Variants in MRTFA observed in about 807,000 individuals in gnomAD.
MRTFA encodes myocardin related transcription factor A.
A neutral mutation model predicts 83.5 loss-of-function variants in MRTFA; 20 were observed. The ratio of observed to expected loss-of-function variants is 0.24; its 90% CI spans 0.17 to 0.35. The LOEUF (loss-of-function observed/expected upper bound fraction) is 0.35. Among genes scored for constraint, MRTFA ranks in the 10% least tolerant of loss-of-function variants. MRTFA has a pLI of 1.00. For synonymous variants in MRTFA, 659 were observed against 541.2 expected, an observed-to-expected ratio of 1.22 and a Z score of -3.02; for missense variants, 1,200 against 1,224.7, an observed-to-expected ratio of 0.98 and a Z score of 0.30.
chr22:40,524,436 G>A (rs974721475), intron 3 of MRTFA, among the ~76,000 whole-genome samples: 3 of 152,216 alleles, frequency 2.0e-5, no homozygotes, highest in African/African-American at 4.8e-5. Flanking sequence ...GAAAACTTCT[G>A]AGAGGTTCAG....
chr22:40,540,701 C>T (rs956661422), intron 3 of MRTFA, among the ~76,000 whole-genome samples: 2 of 141,634 alleles, frequency 1.4e-5, no homozygotes, highest in South Asian at 2.3e-4. Flanking sequence ...TGCTTGAATG[C>T]GTGAGGTTAA....
Position 40,515,605 on chromosome 22 carries a change from A to C in MRTFA, c.241+36501T>G, listed in dbSNP as rs2147249067. Among the ~76,000 whole-genome samples, 2 of 152,224 alleles carry C rather than the reference A, an allele frequency of 1.3e-5. 1 individual carries two copies. The highest frequency in any genetic ancestry group is 4.1e-4 in the South Asian group (2 of 4,826). On this transcript the variant is annotated intron_variant, in intron 3 of 14. Coordinates refer to ENST00000355630, the MANE Select transcript of MRTFA (RefSeq NM_020831.6). ...CTACCTGGGTGGCTGGGGCACGAGA[A>C]TCGTTTGAACTCAGGTGGCGGAGGA...
Position 40,416,929 on chromosome 22 carries a change from A to G in MRTFA, c.2578+57T>C. On this transcript the variant is annotated intron_variant, in intron 14 of 14. Transcript: ENST00000355630. This position sits in a 1 kb window ranked among gnomAD's most constrained non-coding sequence, Gnocchi z 4.2. ...AATAAAAACAAACCAACCCAGGGCTAGAGACACCTATGAACAGAGAAGGCC... is the reference window on the plus strand; with the variant it reads ...AATAAAAACAAACCAACCCAGGGCTGGAGACACCTATGAACAGAGAAGGCC... 1.3e-6 allele frequency: 2 copies of G among 1,500,386 alleles called. No homozygotes were observed. The highest frequency in any genetic ancestry group is 1.8e-6 in the Non-Finnish European group (2 of 1,100,426). 92.9% of individuals were successfully genotyped at this position (1,500,386 alleles called of 1,614,324 possible).
chr22:40,433,942 C>G (rs1049759571), intron 5 of MRTFA, among the ~76,000 whole-genome samples: 2 of 151,916 alleles, frequency 1.3e-5, no homozygotes, highest in Non-Finnish European at 2.9e-5. Flanking sequence ...TCATTTTGCT[C>G]AAAAAAAATC....
intron 3 of MRTFA, among the ~76,000 whole-genome samples, chr22:40,499,985 G>A (rs770239978): frequency 2.7e-4 from 35 of 128,434 alleles, no homozygotes; most frequent in Non-Finnish European, 4.8e-4. Context: ...GAAATGGTAC[G>A]ATCTCGGCTC....
chr22:40,424,529 A>G, intron 7 of MRTFA, 148 bp from the exon 8 acceptor site: 3 of 840,696 alleles, frequency 3.6e-6, no homozygotes, highest in East Asian at 5.5e-5. Context: ...CTAGCAGCCA[A>G]TCTGCTTTCT....
intron 3 of MRTFA, among the ~76,000 whole-genome samples, chr22:40,532,454 A>G (rs1469557002): frequency 2.0e-5 from 3 of 152,346 alleles, no homozygotes; most frequent in Admixed American, 2.0e-4. Context: ...AGATAAGCAC[A>G]CTATCTTGTT....
At chr22:40,575,181 AATGAGATGAAG>A (rs1316711429) in intron 2 of MRTFA, among the ~76,000 whole-genome samples, 234 of 152,340 alleles carry the variant, frequency 1.5e-3, no homozygotes, top group African/African-American at 5.4e-3. Flanking sequence ...ATACAGATTA[AATGAGATGAAG>A]ATCTAAAATT....
Position 40,579,218 on chromosome 22 carries a change from G to C in MRTFA, c.-22+15456C>G, listed in dbSNP as rs546040007. On this transcript the variant is annotated intron_variant, in intron 2 of 14. Transcript: ENST00000355630. The stretch of plus-strand genomic sequence containing the variant: ...TAAGGAATTTCCACGTCTTGTGAAG[G>C]CATGCATATCTTGTGCTAATTCTCT... 2.0e-5 allele frequency among the ~76,000 whole-genome samples: 3 copies of C among 152,262 alleles called. No homozygotes were observed. The South Asian group carries it at 6.2e-4, about 32-fold the overall frequency.
At chr22:40,577,209 CTGAG>C (rs1182068785) in intron 2 of MRTFA, among the ~76,000 whole-genome samples, 3 of 141,106 alleles carry the variant, frequency 2.1e-5, no homozygotes, top group Non-Finnish European at 3.0e-5. Context: ...GCACTCCTGC[CTGAG>C]TAACAGAGTA....
At chr22:40,632,628 G>A (rs1340018944) in intron 1 of MRTFA, among the ~76,000 whole-genome samples, 1 of 152,034 alleles carries the variant, frequency 6.6e-6, no homozygotes, top group Non-Finnish European at 1.5e-5. Context: ...TAGCGACGGG[G>A]TTTCCCCATG....
At chr22:40,574,189 C>T (rs1699900098) in intron 2 of MRTFA, among the ~76,000 whole-genome samples, 1 of 152,160 alleles carries the variant, frequency 6.6e-6, no homozygotes, top group Admixed American at 6.6e-5. Flanking sequence ...TCTTATCAGT[C>T]ATTGCTTTTG....
chr22:40,588,803 G>A (rs1018609404), intron 2 of MRTFA, among the ~76,000 whole-genome samples: 8 of 152,130 alleles, frequency 5.3e-5, no homozygotes, highest in African/African-American at 1.4e-4. Flanking sequence ...GAAACATGGC[G>A]AGACTCCATC....
intron 1 of MRTFA, among the ~76,000 whole-genome samples, chr22:40,628,470 C>T (rs1174733616): frequency 2.0e-5 from 3 of 152,088 alleles, no homozygotes; most frequent in Admixed American, 1.3e-4. Flanking sequence ...GGACAAAGAC[C>T]TGTAAATAGC....
rs115175354 is a variant in MRTFA at position 40,418,538 on chromosome 22, G to A, written c.2200C>T (p.Pro734Ser). The change falls in exon 12 of 15, where the codon CCG becomes TCG. Residue 734 changes from proline (P) to serine (S), a missense_variant. Transcript: ENST00000355630. ...AGAAGCAACTGGGGGGCGGGGACCG[G>A]CTCGGGCTCAGGCTGCAAGGCTTCC... The A allele has an allele frequency of 1.3e-3, 2,023 of 1,584,692 alleles. 24 individuals carry two copies. In the African/African-American group the frequency reaches 0.023, roughly 18 times the overall value.
chr22:40,568,215 C>T (rs762717021), intron 2 of MRTFA, among the ~76,000 whole-genome samples: 6 of 152,198 alleles, frequency 3.9e-5, no homozygotes, highest in Admixed American at 1.3e-4. Context: ...AGGCCATCAA[C>T]AGCATGTTCA....
chr22:40,607,197 G>A (rs764284681), intron 1 of MRTFA, among the ~76,000 whole-genome samples: 20 of 152,226 alleles, frequency 1.3e-4, no homozygotes, highest in Non-Finnish European at 2.5e-4. Context: ...CTGGTGTCAC[G>A]TTTGCTAAGA....
chr22:40,519,440 C>T (rs1384828150), intron 3 of MRTFA: 4 of 1,333,778 alleles, frequency 3.0e-6, no homozygotes, highest in Middle Eastern at 2.0e-4. Context: ...GAGATGAAGG[C>T]GATGTTGTTT....
chr22:40,581,849 C>A (rs1307949620), intron 2 of MRTFA, among the ~76,000 whole-genome samples: 1 of 152,052 alleles, frequency 6.6e-6, no homozygotes, highest in Non-Finnish European at 1.5e-5. Context: ...TAGCTCTACT[C>A]AGCAAAAAAG....
Sources: gnomAD v4.1 joint callset for allele counts (sites outside exome capture counted in the v4.1 genomes callset) on GRCh38, gnomAD v4.1.1 for gene constraint, Gnocchi (gnomAD v3.1) non-coding constraint, MANE v1.5 for transcripts, NCBI Gene and HGNC (gene_info 2026-07-23, HGNC 2026-07-21) for gene names.